The following INTS9 variants were observed in gnomAD, a reference collection of about 807,000 sequenced individuals.
INTS9 encodes the protein protein related to CPSF subunits of 74 kDa.
A neutral mutation model predicts 79.7 loss-of-function variants in INTS9; 55 were observed. That is an observed-to-expected ratio of 0.69 (90% CI 0.56 to 0.86). INTS9 has a LOEUF of 0.86. Among genes scored for constraint, INTS9 ranks in the 40% least tolerant of loss-of-function variants. The pLI, the probability that INTS9 is intolerant of heterozygous loss-of-function variation, is 0.00. For missense variants in INTS9, 721 were observed against 831.5 expected (o/e 0.87, Z 1.64); for synonymous variants, 319 against 325.2 (o/e 0.98, Z 0.20).
chr8:28,801,750 C>T (rs936398172), intron 8 of INTS9, among the ~76,000 whole-genome samples: 1 of 152,104 alleles, frequency 6.6e-6, no homozygotes, highest in Non-Finnish European at 1.5e-5. Flanking sequence ...GTAGCTGGGA[C>T]CACAGGTGTG....
rs116946993 is a variant in INTS9 at position 28,836,648 on chromosome 8, T to C, written c.401+989A>G. Among the ~76,000 whole-genome samples, 31 of 152,314 alleles carry C rather than the reference T, an allele frequency of 2.0e-4. No individual in the cohort carries two copies. The East Asian group carries it at 5.4e-3, about 27-fold the overall frequency. On this transcript the variant is annotated intron_variant, in intron 5 of 16. Transcript: ENST00000521022. ...ACTGGTGTCCTGGATGTAGCTTTCA[T>C]AGGAACAGTTTGGTGTGCTGATCCT...
intron 14 of INTS9, among the ~76,000 whole-genome samples, chr8:28,771,317 G>C (rs1802526352): frequency 6.6e-6 from 1 of 152,090 alleles, no homozygotes; most frequent in African/African-American, 2.4e-5. Flanking sequence ...CCAGTGGCAG[G>C]AAGGACGGGG....
chr8:28,769,125 C>G (rs1002105860), intron 16 of INTS9, among the ~76,000 whole-genome samples: 7 of 152,144 alleles, frequency 4.6e-5, no homozygotes, highest in African/African-American at 1.7e-4. Context: ...ACGGGAAAAT[C>G]AAAGACAGGT....
In INTS9 at chr8:28,886,217, T is replaced by A. The variant is rs549214416; in HGVS notation, c.9+3657A>T. On this transcript the variant is annotated intron_variant, in intron 1 of 16. Transcript: ENST00000521022. ...AGAAAGTCCTCAAACTTAAAAAAAATTTTTTTTTAACCAATAACCTTAAAA... is the reference window on the plus strand; with the variant it reads ...AGAAAGTCCTCAAACTTAAAAAAAAATTTTTTTTAACCAATAACCTTAAAA... Among the ~76,000 whole-genome samples, 554 of 152,062 alleles carry A rather than the reference T, an allele frequency of 3.6e-3. 2 individuals carry two copies. The highest frequency in any genetic ancestry group is 0.012 in the African/African-American group (489 of 41,494).
chr8:28,788,699 G>A (rs1317711886), intron 10 of INTS9, among the ~76,000 whole-genome samples: 2 of 152,192 alleles, frequency 1.3e-5, no homozygotes, highest in Admixed American at 1.3e-4. Context: ...GATTACAGGC[G>A]TGAGCCACTG....
rs966172173 is a variant in INTS9 at position 28,859,905 on chromosome 8, G to C, written c.10-342C>G. Among the ~76,000 whole-genome samples the C allele has an allele frequency of 4.6e-5, 7 of 152,192 alleles. 1 individual carries two copies. Among genetic ancestry groups the C allele is most frequent in the Admixed American group, 4.6e-4 (7 of 15,278 alleles). Reference sequence around the variant, plus strand: ...TGAATTATCATTTTCCCCTTTGTATGTAAGTACTGTCTAAAGCTGTGGATG... The same window carrying C: ...TGAATTATCATTTTCCCCTTTGTATCTAAGTACTGTCTAAAGCTGTGGATG... On this transcript the variant is annotated intron_variant, in intron 1 of 16. Transcript: ENST00000521022.
At chr8:28,776,451 TAAACAAAATGTCTCTTTTTG>T (rs1802895327) in intron 13 of INTS9, among the ~76,000 whole-genome samples, 1 of 149,666 alleles carries the variant, frequency 6.7e-6, no homozygotes, top group African/African-American at 2.5e-5. Flanking sequence ...TTTTTTTTTT[TAAACAAAATGTCTCTTTTTG>T]TTATCTTGAG....
At chr8:28,830,888 C>T (rs1641889257) in intron 6 of INTS9, among the ~76,000 whole-genome samples, 1 of 152,184 alleles carries the variant, frequency 6.6e-6, no homozygotes, top group South Asian at 2.1e-4. Context: ...ACTCTCCTTG[C>T]TCCTCTACCA....
chr8:28,788,252 C>G (rs564824613), intron 10 of INTS9, among the ~76,000 whole-genome samples: 1 of 152,268 alleles, frequency 6.6e-6, no homozygotes, highest in South Asian at 2.1e-4. Flanking sequence ...TAACATCAGG[C>G]CAATGACAAT....
At chr8:28,829,141 T>G (rs1314382753) in intron 6 of INTS9, among the ~76,000 whole-genome samples, 1 of 152,224 alleles carries the variant, frequency 6.6e-6, no homozygotes, top group Non-Finnish European at 1.5e-5. Context: ...TTATTGTAAT[T>G]ATAGATTTCT....
chr8:28,827,420 C>G (rs1228958534), intron 6 of INTS9, among the ~76,000 whole-genome samples: 1 of 152,154 alleles, frequency 6.6e-6, no homozygotes, highest in Non-Finnish European at 1.5e-5. Context: ...AAGTAAAAAA[C>G]TGGCTGGGCA....
intron 1 of INTS9, chr8:28,862,186 G>A: frequency 1.0e-6 from 1 of 985,330 alleles, no homozygotes. Flanking sequence ...TCACCAAGCA[G>A]CATATCATCT....
At chr8:28,777,121 TCTC>T (rs922837825) in intron 13 of INTS9, among the ~76,000 whole-genome samples, 7 of 152,136 alleles carry the variant, frequency 4.6e-5, no homozygotes, top group African/African-American at 1.4e-4. Flanking sequence ...TGAAAGGGCC[TCTC>T]TCATCCTGAG....
chr8:28,861,104 T>C (rs927434931), intron 1 of INTS9, among the ~76,000 whole-genome samples: 7 of 152,344 alleles, frequency 4.6e-5, no homozygotes, highest in Non-Finnish European at 4.4e-5. Flanking sequence ...TGAAAAGATA[T>C]AAGGCACTTA....
chr8:28,846,694 G>C, intron 4 of INTS9, 53 bp downstream of exon 4: 1 of 1,291,122 alleles, frequency 7.7e-7, no homozygotes, highest in East Asian at 2.3e-5. Context: ...ACTTCATTTT[G>C]AGCAATTACA....
At chr8:28,845,076 A>G (rs749467862) in intron 4 of INTS9, among the ~76,000 whole-genome samples, 5 of 152,234 alleles carry the variant, frequency 3.3e-5, no homozygotes, top group Non-Finnish European at 7.3e-5. Context: ...TTACTTACAT[A>G]TGTTCACTTA....
rs1443047657 is a variant in INTS9, at chr8:28,780,446, CAGTT to C, written c.1270+373_1270+376del. The C allele has an allele frequency of 1.1e-5, 11 of 985,128 alleles. No individual in the cohort carries two copies. The African/African-American group carries it at 1.4e-4, about 13-fold the overall frequency. 61.0% of individuals were successfully genotyped at this position (985,128 alleles called of 1,614,324 possible). A position where few individuals can be genotyped will look rare whatever the true frequency, so the allele number is the denominator to read the frequency against. On this transcript the variant is annotated intron_variant, in intron 12 of 16. Coordinates refer to ENST00000521022, the MANE Select transcript of INTS9 (RefSeq NM_018250.4). ...GGATTTGTCTCCAGAAGAAAATCCA[CAGTT>C]AGAGTAAACCACAATCAGAAGAAAA... is the stretch of plus-strand genomic sequence containing the variant.
intron 11 of INTS9, among the ~76,000 whole-genome samples, chr8:28,785,687 T>A (rs1195173131): frequency 6.6e-6 from 1 of 152,160 alleles, no homozygotes; most frequent in Non-Finnish European, 1.5e-5. Flanking sequence ...GCTAAATGTG[T>A]TCCTCAGTTA....
chr8:28,773,279 C>T (rs113505172), intron 14 of INTS9, among the ~76,000 whole-genome samples: 7,470 of 151,910 alleles, frequency 0.049, 568 homozygotes, highest in African/African-American at 0.17. Flanking sequence ...CTGGCTAACA[C>T]GATGAAACCC....
Sources: allele counts gnomAD v4.1 joint callset (sites outside exome capture counted in the v4.1 genomes callset), GRCh38; gene constraint gnomAD v4.1.1; transcripts MANE v1.5; gene names NCBI Gene and HGNC (gene_info 2026-07-23, HGNC 2026-07-21).